Variants in RAB22A observed in about 807,000 individuals in gnomAD.
The protein encoded by RAB22A is RAB22A, member RAS oncogene family.
Under a neutral mutation model 30.2 loss-of-function variants are expected in RAB22A, and 13 were observed. The ratio of observed to expected loss-of-function variants is 0.43; its 90% CI spans 0.28 to 0.68. The LOEUF is 0.68. Among genes scored for constraint, RAB22A ranks in the 30% least tolerant of loss-of-function variants. RAB22A has a pLI of 0.18. For missense variants in RAB22A, 177 were observed against 246.8 expected (o/e 0.72, Z 1.89); for synonymous variants, 89 against 87.2 (o/e 1.02, Z -0.11).
chr20:58,332,091 A>G (rs939259467), intron 2 of RAB22A, among the ~76,000 whole-genome samples: 1 of 152,238 alleles, frequency 6.6e-6, no homozygotes, highest in Non-Finnish European at 1.5e-5. Context: ...TCAGTCCTTT[A>G]AACAATCCAC....
chr20:58,322,623 G>C (rs1986482652), intron 2 of RAB22A, among the ~76,000 whole-genome samples: 1 of 151,932 alleles, frequency 6.6e-6, no homozygotes, highest in Non-Finnish European at 1.5e-5. Context: ...TTAATGATTT[G>C]CTAGAATTTA....
At chr20:58,340,348 G>A (rs370314544) in intron 2 of RAB22A, among the ~76,000 whole-genome samples, 11 of 152,250 alleles carry the variant, frequency 7.2e-5, no homozygotes, top group African/African-American at 1.7e-4. Context: ...CTGCTTGGGC[G>A]TACTCAGCCT....
rs530717813 is a variant in RAB22A, at chr20:58,366,145, C to T, written c.*6442C>T. 1.3e-5 allele frequency: 2 copies of T among 152,280 alleles called. No homozygotes were observed. The highest frequency in any genetic ancestry group is 4.2e-4 in the South Asian group (2 of 4,816). The allele number at this position is 152,280 out of a possible 1,614,324, so 9.4% of individuals were successfully genotyped here. A position where few individuals can be genotyped will look rare whatever the true frequency, so the allele number is the denominator to read the frequency against. On this transcript the variant is annotated 3_prime_UTR_variant, in exon 7 of 7. Transcript: ENST00000244040. ...CCGTCTCTGTGATTGAAGCAGACTT[C>T]TCGCTTTATTTCCCTTAGGCTCATT...
At chr20:58,326,538 T>C (rs563158476) in intron 2 of RAB22A, among the ~76,000 whole-genome samples, 1 of 152,298 alleles carries the variant, frequency 6.6e-6, no homozygotes, top group African/African-American at 2.4e-5. Flanking sequence ...TTCTCTTATA[T>C]GGATAGACCA....
chr20:58,336,474 A>G (rs556264428), intron 2 of RAB22A, among the ~76,000 whole-genome samples: 7 of 152,168 alleles, frequency 4.6e-5, no homozygotes, highest in African/African-American at 1.7e-4. Context: ...AAAAGTAGAG[A>G]CTTTAAGGAT....
Position 58,359,705 on chromosome 20 carries a change from C to G in RAB22A, c.*2C>G, listed in dbSNP as rs752983043. The G allele has an allele frequency of 1.9e-6, 3 of 1,601,182 alleles. No individual in the cohort carries two copies. The highest frequency in any genetic ancestry group is 1.7e-5 in the Admixed American group (1 of 59,928). Reference sequence around the variant, plus strand: ...GAGCCAAAGCGGAGCTGCTGCTGACCGAACCTCAGCCTCTCAGACTTGATG... The same window carrying G: ...GAGCCAAAGCGGAGCTGCTGCTGACGGAACCTCAGCCTCTCAGACTTGATG... On this transcript the variant is annotated 3_prime_UTR_variant, in exon 7 of 7. Coordinates refer to ENST00000244040, the MANE Select transcript of RAB22A (RefSeq NM_020673.3).
chr20:58,354,237 A>G lies in RAB22A; in HGVS notation c.459A>G (p.Ile153Met). ...IFVETSAKNAININELFIEIS... is the reference protein window; with the variant it reads ...IFVETSAKNAMNINELFIEIS... ...TAGAGACCAGCGCAAAAAACGCGAT[A>G]AACATAAATGAACTCTTTATAGAAA... The change falls in exon 6 of 7, where the codon ATA becomes ATG. Residue 153 changes from isoleucine to methionine, a missense_variant. Transcript: ENST00000244040. 4 of 1,613,516 alleles carry G rather than the reference A, an allele frequency of 2.5e-6. No homozygotes were observed. The highest frequency in any genetic ancestry group is 3.4e-6 in the Non-Finnish European group (4 of 1,179,542).
intron 3 of RAB22A, among the ~76,000 whole-genome samples, chr20:58,347,261 G>GCT (rs1384861507): frequency 6.6e-6 from 1 of 152,172 alleles, no homozygotes; most frequent in East Asian, 1.9e-4. Context: ...TGATGGTCCA[G>GCT]CTACGTTTGA....
rs1354491663 is a variant in RAB22A at position 58,317,725 on chromosome 20, A to AT, written c.116+6609dup. On this transcript the variant is annotated intron_variant, in intron 2 of 6. Transcript: ENST00000244040. ...AGGCACCCGCCACCACGCCCAGCTA[A>AT]TTTTTTGTATTTTTAGTAGAGACGG... 2.6e-5 allele frequency among the ~76,000 whole-genome samples: 4 copies of AT among 151,070 alleles called. 1 individual carries two copies. The South Asian group carries it at 6.3e-4, about 24-fold the overall frequency.
intron 5 of RAB22A, among the ~76,000 whole-genome samples, chr20:58,353,933 C>T (rs1987093942): frequency 6.6e-6 from 1 of 152,200 alleles, no homozygotes; most frequent in Admixed American, 6.5e-5. Context: ...CCTGCCATCC[C>T]TAATCATTCC....
At chr20:58,336,249 T>A (rs146712708) in intron 2 of RAB22A, among the ~76,000 whole-genome samples, 1 of 152,312 alleles carries the variant, frequency 6.6e-6, no homozygotes, top group African/African-American at 2.4e-5. Flanking sequence ...TGACCTCAAG[T>A]GATCCACTCG....
chr20:58,331,872 ATT>A (rs1254848504), intron 2 of RAB22A, among the ~76,000 whole-genome samples: 1 of 152,156 alleles, frequency 6.6e-6, no homozygotes, highest in Non-Finnish European at 1.5e-5. Flanking sequence ...GGTGACGGGT[ATT>A]TAAACAGAGA....
intron 2 of RAB22A, among the ~76,000 whole-genome samples, chr20:58,322,041 T>G (rs2122931924): frequency 6.6e-6 from 1 of 152,312 alleles, no homozygotes; most frequent in East Asian, 1.9e-4. Context: ...CAAGCCATCC[T>G]CCTGCTGTGG....
intron 2 of RAB22A, among the ~76,000 whole-genome samples, chr20:58,313,608 C>T (rs1568862840): frequency 2.0e-5 from 3 of 152,210 alleles, no homozygotes; most frequent in Admixed American, 6.5e-5. Flanking sequence ...CATCTCAGCT[C>T]CTCCCTGCCA....
At chr20:58,338,821 G>A (rs1170725645) in intron 2 of RAB22A, among the ~76,000 whole-genome samples, 2 of 152,186 alleles carry the variant, frequency 1.3e-5, no homozygotes, top group Non-Finnish European at 2.9e-5. Context: ...GTATTCAGTG[G>A]TGTTTCCATC....
chr20:58,320,621 G>A (rs977591230), intron 2 of RAB22A, among the ~76,000 whole-genome samples: 20 of 152,126 alleles, frequency 1.3e-4, no homozygotes, highest in Non-Finnish European at 4.4e-5. Flanking sequence ...ATTTTGATAT[G>A]TTGTGTTTTC....
In RAB22A at chr20:58,343,703, G is replaced by A; in HGVS notation, c.117-15G>A. ...TACATAATTGTATTCTGATCATTTA[G>A]GTCTCTCTTTATAGGGCATCTTTTA... On this transcript the variant is annotated splice_polypyrimidine_tract_variant and intron_variant, in intron 2 of 6. Coordinates refer to ENST00000244040, the MANE Select transcript of RAB22A (RefSeq NM_020673.3). 2.5e-6 allele frequency: 4 copies of A among 1,580,198 alleles called. No individual in the cohort carries two copies. Among genetic ancestry groups the A allele is most frequent in the East Asian group, 2.2e-5 (1 of 44,690 alleles).
Position 58,366,602 on chromosome 20 carries a change from T to G in RAB22A, c.*6899T>G, listed in dbSNP as rs1987322716. 1.3e-5 allele frequency: 2 copies of G among 151,984 alleles called. No individual in the cohort carries two copies. Among genetic ancestry groups the G allele is most frequent in the Non-Finnish European group, 1.5e-5 (1 of 67,994 alleles). 9.4% of individuals were successfully genotyped at this position (151,984 alleles called of 1,614,324 possible). A position where few individuals can be genotyped will look rare whatever the true frequency, so the allele number is the denominator to read the frequency against. On this transcript the variant is annotated 3_prime_UTR_variant, in exon 7 of 7. Coordinates refer to ENST00000244040, the MANE Select transcript of RAB22A (RefSeq NM_020673.3). The stretch of plus-strand genomic sequence containing the variant: ...CTCAAAGACATGTACAACTCTTAAT[T>G]TAACATTTTTGAAAGAAAAAAAAAC...
At chr20:58,318,857 T>C (rs1251545546) in intron 2 of RAB22A, among the ~76,000 whole-genome samples, 1 of 152,208 alleles carries the variant, frequency 6.6e-6, no homozygotes, top group Admixed American at 6.5e-5. Context: ...CTCTGTGGCA[T>C]TGGACAAGTT....
Sources: allele counts gnomAD v4.1 joint callset (sites outside exome capture counted in the v4.1 genomes callset), GRCh38; gene constraint gnomAD v4.1.1; transcripts MANE v1.5; gene names NCBI Gene and HGNC (gene_info 2026-07-23, HGNC 2026-07-21).